XYLB: variants seen among roughly 807,000 people sequenced by gnomAD.
XYLB encodes the protein xylulose kinase.
A neutral mutation model predicts 78.7 loss-of-function variants in XYLB; 62 were observed. That is an observed-to-expected ratio of 0.79 (90% CI 0.64 to 0.97). The LOEUF (loss-of-function observed/expected upper bound fraction) is 0.97. XYLB is among the 50% of genes least tolerant of loss of function. The probability of loss-of-function intolerance (pLI) is 0.00; values close to 1 mark genes in which losing one functional copy is unlikely to be tolerated. For synonymous variants in XYLB, 245 were observed against 247.4 expected (o/e 0.99, Z 0.09); for missense variants, 687 against 676.8 (o/e 1.02, Z -0.17).
intron 18 of XYLB, among the ~76,000 whole-genome samples, chr3:38,410,594 G>A (rs1575544923): frequency 6.6e-6 from 1 of 152,128 alleles, no homozygotes; most frequent in East Asian, 1.9e-4. Context: ...AGAGCGAACA[G>A]GTAACCTACA....
At chr3:38,352,215 CT>C (rs1411667352) in intron 2 of XYLB, among the ~76,000 whole-genome samples, 1 of 150,414 alleles carries the variant, frequency 6.6e-6, no homozygotes, top group East Asian at 2.0e-4. Flanking sequence ...TTTTTTCTTT[CT>C]TTTTTTGAGA....
In XYLB at chr3:38,361,761, G is replaced by A. The variant is rs1391372694; in HGVS notation, c.211-1176G>A. Among the ~76,000 whole-genome samples the A allele has an allele frequency of 3.9e-5, 6 of 152,272 alleles. No homozygotes were observed. In the South Asian group the frequency reaches 6.2e-4, roughly 16 times the overall value. ...TCCTAGCTCTGCCAGCCCCTGCTCC[G>A]GCTGCACCCCACTGCCTGCCCAAGG... On this transcript the variant is annotated intron_variant, in intron 3 of 18. Coordinates refer to ENST00000207870, the MANE Select transcript of XYLB (RefSeq NM_005108.4).
intron 6 of XYLB, 137 bp from the exon 7 acceptor site, chr3:38,366,671 C>A: frequency 1.6e-6 from 1 of 626,706 alleles, no homozygotes. Context: ...ACTACTGTGC[C>A]TGGTTGGGGC....
the XYLB span, among the ~76,000 whole-genome samples, chr3:38,437,005 A>T: frequency 8.2e-5 from 11 of 134,794 alleles, no homozygotes; most frequent in African/African-American, 2.8e-4. Context: ...CTCCTTCTAA[A>T]AATAATAATA....
intron 14 of XYLB, among the ~76,000 whole-genome samples, chr3:38,378,737 G>T (rs1018597220): frequency 4.6e-5 from 7 of 151,150 alleles, no homozygotes; most frequent in African/African-American, 1.7e-4. Context: ...GCAGGAGTGA[G>T]CCTGGGGTTG....
chr3:38,394,169 T>A (rs1477100280), intron 15 of XYLB, among the ~76,000 whole-genome samples: 1 of 152,214 alleles, frequency 6.6e-6, no homozygotes, highest in Non-Finnish European at 1.5e-5. Flanking sequence ...ATGGAATATC[T>A]TTTAATTTAT....
chr3:38,406,831 G>GA (rs1268267743), intron 18 of XYLB, among the ~76,000 whole-genome samples: 3 of 152,084 alleles, frequency 2.0e-5, no homozygotes, highest in Non-Finnish European at 4.4e-5. Context: ...GAAGTTTAGA[G>GA]AAAAAAGAAT....
chr3:38,430,877 C>CAGCAT, the XYLB span, among the ~76,000 whole-genome samples: 1 of 152,004 alleles, frequency 6.6e-6, no homozygotes, highest in African/African-American at 2.4e-5. Flanking sequence ...ATATGTGGTG[C>CAGCAT]TATTTCTGAG....
the XYLB span, among the ~76,000 whole-genome samples, chr3:38,437,590 T>A: frequency 6.6e-6 from 1 of 152,186 alleles, no homozygotes; most frequent in African/African-American, 2.4e-5. Context: ...AAAAAATTGA[T>A]GTACAAAAAC....
chr3:38,370,115 G>T lies in XYLB; in HGVS notation c.706G>T (p.Ala236Ser), dbSNP rs137869174. The part of the protein sequence containing the change: ...DKVWSQACLG[A>S]CAPHLEEKLS... Reference sequence around the variant, plus strand: ...AGTCTGGTCCCAGGCTTGCCTTGGTGCCTGTGCACCTCATTTAGAGGAGAA... The same window carrying T: ...AGTCTGGTCCCAGGCTTGCCTTGGTTCCTGTGCACCTCATTTAGAGGAGAA... The change falls in exon 9 of 19, where the codon GCC becomes TCC. Residue 236 changes from alanine (A) to serine (S), a missense_variant. Coordinates refer to ENST00000207870, the MANE Select transcript of XYLB (RefSeq NM_005108.4). 1.1e-3 allele frequency: 1,829 copies of T among 1,614,202 alleles called. 1 individual carries two copies. The highest frequency in any genetic ancestry group is 1.4e-3 in the Non-Finnish European group (1,700 of 1,180,046).
chr3:38,402,493 G>A (rs924155751), intron 18 of XYLB, among the ~76,000 whole-genome samples: 4 of 152,182 alleles, frequency 2.6e-5, no homozygotes, highest in African/African-American at 9.7e-5. Context: ...TAATTTTTCT[G>A]TTTGTGAGAG....
At chr3:38,365,091 G>T in intron 4 of XYLB, 108 bp from the exon 5 acceptor site, 2 of 933,028 alleles carry the variant, frequency 2.1e-6, no homozygotes, top group Non-Finnish European at 3.4e-6. Context: ...GGCAGGGGCA[G>T]GTGTGGAGCC....
At chr3:38,369,754 A>G (rs1325902638) in intron 8 of XYLB, among the ~76,000 whole-genome samples, 1 of 152,170 alleles carries the variant, frequency 6.6e-6, no homozygotes, top group Non-Finnish European at 1.5e-5. Context: ...GTTCCTGGTC[A>G]GTGTGTTGCT....
At chr3:38,351,291 C>T (rs560739023) in intron 2 of XYLB, among the ~76,000 whole-genome samples, 8 of 151,084 alleles carry the variant, frequency 5.3e-5, no homozygotes, top group Non-Finnish European at 1.0e-4. Context: ...GAGAACATAC[C>T]CTATATGACT....
chr3:38,350,118 CTGTT>C (rs1705282037), intron 2 of XYLB, among the ~76,000 whole-genome samples: 1 of 152,204 alleles, frequency 6.6e-6, no homozygotes, highest in Non-Finnish European at 1.5e-5. Flanking sequence ...CCTTCCCTGT[CTGTT>C]TTAGACACAC....
downstream of XYLB, among the ~76,000 whole-genome samples, chr3:38,418,544 G>T (rs532892324): frequency 4.6e-5 from 7 of 152,238 alleles, no homozygotes; most frequent in East Asian, 1.4e-3. Context: ...CGAAGTACTT[G>T]GGAAAAGGCA....
chr3:38,382,135 G>A (rs746620147), intron 15 of XYLB, among the ~76,000 whole-genome samples: 2 of 152,096 alleles, frequency 1.3e-5, no homozygotes, highest in Non-Finnish European at 1.5e-5. Flanking sequence ...AAGAACCTAC[G>A]TGATTATCGG....
downstream of XYLB, among the ~76,000 whole-genome samples, chr3:38,417,998 C>T (rs767644104): frequency 2.0e-5 from 3 of 151,378 alleles, no homozygotes; most frequent in Admixed American, 6.6e-5. Context: ...TCAAGATCAG[C>T]CTGGCCAACA....
Position 38,370,052 on chromosome 3 carries a change from T to C in XYLB, c.647-4T>C. ...GTCTGTTGTTTGTTTCCTTCCTTCC[T>C]CAGGTTCTGGAATGAATTTGTTGCA... is the stretch of plus-strand genomic sequence containing the variant. On this transcript the variant is annotated splice_region_variant and splice_polypyrimidine_tract_variant and intron_variant, in intron 8 of 18. Coordinates refer to ENST00000207870, the MANE Select transcript of XYLB (RefSeq NM_005108.4). 6.2e-7 allele frequency: 1 copy of C among 1,613,304 alleles called. No homozygotes were observed. Among genetic ancestry groups the C allele is most frequent in the Non-Finnish European group, 8.5e-7 (1 of 1,179,206 alleles).
Sources: allele counts gnomAD v4.1 joint callset (sites outside exome capture counted in the v4.1 genomes callset), GRCh38; gene constraint gnomAD v4.1.1; transcripts MANE v1.5; gene names NCBI Gene and HGNC (gene_info 2026-07-23, HGNC 2026-07-21).